The following ARID4A variants were observed in gnomAD, a reference collection of about 807,000 sequenced individuals.
ARID4A encodes AT-rich interaction domain 4A, also known as AT-rich interactive domain-containing protein 4A.
In ARID4A, 39 loss-of-function variants were observed where a neutral mutation model predicts 148.6. The observed-to-expected ratio is 0.26, with a 90% CI of 0.20 to 0.34. The LOEUF is 0.34. Ranked by LOEUF, ARID4A falls within the 10% of genes least tolerant of loss-of-function variation. The pLI is 1.00. For synonymous variants in ARID4A, 475 were observed against 481.2 expected, an observed-to-expected ratio of 0.99 and a Z score of 0.17; for missense variants, 1,265 against 1,449.1, an observed-to-expected ratio of 0.87 and a Z score of 2.06.
chr14:58,324,429 C>T (rs931233127), intron 8 of ARID4A, among the ~76,000 whole-genome samples: 3 of 152,102 alleles, frequency 2.0e-5, no homozygotes, highest in African/African-American at 7.2e-5. Flanking sequence ...GAGTGTGCCT[C>T]CACACCTGGC....
chr14:58,353,755 C>G lies in ARID4A; in HGVS notation c.1753C>G (p.Arg585Gly), dbSNP rs151193043. ...TGTKVKVKYGRGKTQKIYEAS... is the reference protein window; with the variant it reads ...TGTKVKVKYGGGKTQKIYEAS... ...AACCAAAGTGAAAGTAAAATATGGA[C>G]GAGGGAAGACTCAGAAAATTTATGA... The change falls in exon 17 of 24, where the codon CGA becomes GGA. Residue 585 changes from arginine to glycine, a missense_variant. Arg to Gly is a moderately radical substitution (Grantham distance 125). Transcript: ENST00000355431. 1 of 1,613,636 alleles carries G rather than the reference C, an allele frequency of 6.2e-7. No homozygotes were observed. Among genetic ancestry groups the G allele is most frequent in the Non-Finnish European group, 8.5e-7 (1 of 1,179,896 alleles).
intron 11 of ARID4A, among the ~76,000 whole-genome samples, chr14:58,340,924 A>G (rs1406944763): frequency 2.0e-5 from 3 of 152,226 alleles, no homozygotes; most frequent in East Asian, 3.8e-4. Flanking sequence ...ATTTGCACAG[A>G]TATCATTTTC....
intron 14 of ARID4A, among the ~76,000 whole-genome samples, chr14:58,347,444 C>G (rs2034427021): frequency 6.6e-6 from 1 of 152,178 alleles, no homozygotes; most frequent in African/African-American, 2.4e-5. Flanking sequence ...ATCACAAGCT[C>G]AGACGTCTCA....
At chr14:58,299,969 TG>T in intron 2 of ARID4A, 109 bp downstream of exon 2, 3 of 1,485,360 alleles carry the variant, frequency 2.0e-6, no homozygotes, top group Admixed American at 1.7e-5. Context: ...ATGTTCCTAC[TG>T]ATCAGCAGTT....
At chr14:58,317,108 G>A (rs2032475136) in intron 5 of ARID4A, among the ~76,000 whole-genome samples, 1 of 147,428 alleles carries the variant, frequency 6.8e-6, no homozygotes, top group Admixed American at 6.7e-5. Flanking sequence ...CGGGAGAATG[G>A]CGTGAACCCG....
At chr14:58,333,978 A>G (rs2033666876) in intron 11 of ARID4A, among the ~76,000 whole-genome samples, 1 of 152,172 alleles carries the variant, frequency 6.6e-6, no homozygotes, top group Admixed American at 6.5e-5. Context: ...TTAGCTTGCA[A>G]TCATATATGA....
chr14:58,340,855 A>G (rs970013387), intron 11 of ARID4A, among the ~76,000 whole-genome samples: 5 of 152,206 alleles, frequency 3.3e-5, no homozygotes, highest in Admixed American at 1.3e-4. Context: ...CATTTATATT[A>G]TCATAAATCT....
intron 5 of ARID4A, among the ~76,000 whole-genome samples, chr14:58,309,849 T>G (rs548737251): frequency 1.3e-5 from 2 of 152,228 alleles, no homozygotes; most frequent in African/African-American, 2.4e-5. Flanking sequence ...ATCGGTTATA[T>G]CAGATTTTGT....
At chr14:58,371,858 A>C (rs763396556) in intron 23 of ARID4A, 28 bp from the exon 24 acceptor site, 30 of 1,549,740 alleles carry the variant, frequency 1.9e-5, no homozygotes, top group Non-Finnish European at 2.6e-5. Context: ...CAGTTTTTGG[A>C]TCTAACATAG....
At chr14:58,320,158 G>T (rs1350027067) in intron 7 of ARID4A, among the ~76,000 whole-genome samples, 1 of 151,676 alleles carries the variant, frequency 6.6e-6, no homozygotes, top group Non-Finnish European at 1.5e-5. Context: ...ATGTTGGCCA[G>T]GATGATCTCG....
intron 8 of ARID4A, among the ~76,000 whole-genome samples, chr14:58,326,091 CT>C (rs778583080): frequency 6.6e-6 from 1 of 152,064 alleles, no homozygotes; most frequent in Non-Finnish European, 1.5e-5. Context: ...AAAGCAGGTG[CT>C]TTTGAGGTGA....
At position 58,301,684 on chromosome 14, in the gene ARID4A, A is replaced by G. The variant is rs200372117; in HGVS notation, c.111A>G (p.Lys37=). ...TTAAGACTGTGAAAAGGCTGGTGAA[A>G]GTTAAGGTAATATTTGTTTTTATGC... The part of the protein sequence containing the change: ...AKIKTVKRLV[K]VKVLLKQDNT... The change falls in exon 3 of 24, where the codon AAA becomes AAG. Residue 37 remains lysine, a synonymous_variant. Transcript: ENST00000355431. 1 of 1,611,816 alleles carries G rather than the reference A, an allele frequency of 6.2e-7. No individual in the cohort carries two copies. The highest frequency in any genetic ancestry group is 8.5e-7 in the Non-Finnish European group (1 of 1,178,178).
Position 58,368,925 on chromosome 14 carries a change from G to A in ARID4A, c.3670+1896G>A, listed in dbSNP as rs375666050. On this transcript the variant is annotated intron_variant, in intron 23 of 23. Coordinates refer to ENST00000355431, the MANE Select transcript of ARID4A (RefSeq NM_002892.4). ...GATTTTGGATTTTTGGATTAGGGAT[G>A]TTCAATTTGTATCCAGAGATAAAGG... Among the ~76,000 whole-genome samples the A allele has an allele frequency of 6.6e-5, 10 of 152,264 alleles. No homozygotes were observed. In the East Asian group the frequency reaches 1.2e-3, roughly 18 times the overall value.
intron 7 of ARID4A, among the ~76,000 whole-genome samples, chr14:58,319,228 T>A (rs2032682871): frequency 8.0e-5 from 1 of 12,434 alleles, no homozygotes; most frequent in Non-Finnish European, 1.8e-4. Flanking sequence ...CCCAGCTAAT[T>A]TTTTTTTTTT....
intron 10 of ARID4A, 61 bp downstream of exon 10, chr14:58,329,665 A>C: frequency 2.9e-6 from 4 of 1,357,732 alleles, no homozygotes; most frequent in Non-Finnish European, 4.2e-6. Flanking sequence ...AAAATAGCAA[A>C]TAAAGCAAGA....
At position 58,372,467 on chromosome 14, in the gene ARID4A, GCA is replaced by G. The variant is rs2035654500; in HGVS notation, c.*480_*481del. On this transcript the variant is annotated 3_prime_UTR_variant, in exon 24 of 24. Transcript: ENST00000355431. The stretch of plus-strand genomic sequence containing the variant: ...TATCGTTTTTTTTATTTTTGTGGAA[GCA>G]CTTGCTATTTAGAACTGCCAAAGTA... 1 of 228,004 alleles carries G rather than the reference GCA, an allele frequency of 4.4e-6. No homozygotes were observed. The highest frequency in any genetic ancestry group is 5.7e-5 in the Admixed American group (1 of 17,648). The allele number at this position is 228,004 out of a possible 1,614,324, so 14.1% of individuals were successfully genotyped here.
intron 8 of ARID4A, among the ~76,000 whole-genome samples, chr14:58,324,493 C>T (rs779838221): frequency 6.6e-6 from 1 of 152,006 alleles, no homozygotes; most frequent in South Asian, 2.1e-4. Context: ...TGTTTCCAGG[C>T]CAGTCTCAAA....
chr14:58,343,399 C>G (rs536337741), intron 11 of ARID4A, among the ~76,000 whole-genome samples: 2 of 152,254 alleles, frequency 1.3e-5, no homozygotes, highest in Middle Eastern at 3.4e-3. Flanking sequence ...TTTTGATCAA[C>G]TACATGCTTA....
chr14:58,320,168 G>A (rs1176465425), intron 7 of ARID4A, among the ~76,000 whole-genome samples: 2 of 151,640 alleles, frequency 1.3e-5, no homozygotes, highest in Non-Finnish European at 2.9e-5. Flanking sequence ...GGATGATCTC[G>A]ATCTCTTGAC....
Sources: allele counts gnomAD v4.1 joint callset (sites outside exome capture counted in the v4.1 genomes callset), GRCh38; gene constraint gnomAD v4.1.1; transcripts MANE v1.5; gene names NCBI Gene and HGNC (gene_info 2026-07-23, HGNC 2026-07-21).